The following TBL1X variants were observed in gnomAD, a reference collection of about 807,000 sequenced individuals.
The protein encoded by TBL1X is transducin beta like 1 X-linked.
TBL1X carries 10 observed loss-of-function variants against 50.7 expected under a neutral mutation model. The ratio of observed to expected loss-of-function variants is 0.20; its 90% CI spans 0.12 to 0.33. TBL1X has a LOEUF of 0.33. TBL1X is among the 10% of genes least tolerant of loss of function. The probability of loss-of-function intolerance (pLI) is 1.00; values close to 1 mark genes in which losing one functional copy is unlikely to be tolerated. For missense variants in TBL1X, 340 were observed against 504.4 expected (o/e 0.67, Z 3.12); for synonymous variants, 190 against 214.7 (o/e 0.88, Z 1.01).
At chrX:9,580,488 T>G (rs1029881500) in intron 2 of TBL1X, among the ~76,000 whole-genome samples, 10 of 112,104 alleles carry the variant, frequency 8.9e-5, no homozygotes, top group Non-Finnish European at 1.5e-4. Flanking sequence ...GATATGCATC[T>G]ATATCAGTGA....
intron 5 of TBL1X, among the ~76,000 whole-genome samples, chrX:9,683,352 T>A (rs757277000): frequency 2.2e-3 from 242 of 111,859 alleles, no homozygotes; most frequent in Non-Finnish European, 3.3e-3. Context: ...ACCTTTAAAT[T>A]GCCAAGCATC....
At chrX:9,587,820 AC>A (rs1351444445) in intron 2 of TBL1X, among the ~76,000 whole-genome samples, 2 of 18,081 alleles carry the variant, frequency 1.1e-4, no homozygotes, top group Non-Finnish European at 1.9e-4. Flanking sequence ...CACCCCTGCC[AC>A]CGTGCATTCT....
intron 17 of TBL1X, among the ~76,000 whole-genome samples, chrX:9,715,422 C>T (rs747391737): frequency 5.4e-5 from 6 of 111,548 alleles, no homozygotes; most frequent in African/African-American, 6.5e-5. Context: ...TGTCCCACAC[C>T]GAGGCTGTGT....
chrX:9,479,777 T>C (rs2081869632), intron 1 of TBL1X, among the ~76,000 whole-genome samples: 1 of 111,822 alleles, frequency 8.9e-6, no homozygotes, highest in African/African-American at 3.3e-5. Flanking sequence ...CTGGCTAGGC[T>C]GGGAAGAATC....
chrX:9,716,345 C>G lies in TBL1X; in HGVS notation c.*99C>G, dbSNP rs1011782221. ...TCCAAAACTGTAGGAACTTGACTTGCGTTAGAGTGTACTCTGAAACCAACT... is the reference window on the plus strand; with the variant it reads ...TCCAAAACTGTAGGAACTTGACTTGGGTTAGAGTGTACTCTGAAACCAACT... On this transcript the variant is annotated 3_prime_UTR_variant, in exon 18 of 18. Coordinates refer to ENST00000645353, the MANE Select transcript of TBL1X (RefSeq NM_005647.4). 1 of 888,776 alleles carries G rather than the reference C, an allele frequency of 1.1e-6. No homozygotes were observed. Among genetic ancestry groups the G allele is most frequent in the Non-Finnish European group, 1.6e-6 (1 of 630,782 alleles). The allele number at this position is 888,776 out of a possible 1,213,427, so 73.2% of individuals were successfully genotyped here. A position where few individuals can be genotyped will look rare whatever the true frequency, so the allele number is the denominator to read the frequency against.
At chrX:9,517,766 G>C (rs1483152888) in intron 2 of TBL1X, among the ~76,000 whole-genome samples, 1 of 112,210 alleles carries the variant, frequency 8.9e-6, no homozygotes, top group Non-Finnish European at 1.9e-5. Context: ...TGAGTGGATG[G>C]TTCTGTGGGT....
chrX:9,534,529 C>T (rs1216499173), intron 2 of TBL1X, among the ~76,000 whole-genome samples: 1 of 110,315 alleles, frequency 9.1e-6, no homozygotes, highest in Non-Finnish European at 1.9e-5. Context: ...ACCAAACACC[C>T]ATTTAAGTGC....
At chrX:9,666,738 C>T (rs182459858) in intron 5 of TBL1X, among the ~76,000 whole-genome samples, 159 of 111,541 alleles carry the variant, frequency 1.4e-3, no homozygotes, top group African/African-American at 5.0e-3. Context: ...CAGACATTGT[C>T]TGCAGCTCTG....
At chrX:9,589,338 C>A (rs2082487287) in intron 2 of TBL1X, among the ~76,000 whole-genome samples, 1 of 108,891 alleles carries the variant, frequency 9.2e-6, no homozygotes, top group Non-Finnish European at 1.9e-5. Flanking sequence ...GCGTCTGGAG[C>A]CTCTACAGGA....
At chrX:9,523,563 T>C (rs946833697) in intron 2 of TBL1X, among the ~76,000 whole-genome samples, 3 of 112,638 alleles carry the variant, frequency 2.7e-5, no homozygotes, top group African/African-American at 9.7e-5. Flanking sequence ...TCCACTCTGG[T>C]GTCTCCTTTA....
At chrX:9,535,069 T>C (rs1278889042) in intron 2 of TBL1X, 1 of 110,998 alleles carries the variant, frequency 9.0e-6, no homozygotes, top group South Asian at 3.8e-4. Context: ...ATATTACTCT[T>C]TTTTTTTAAA....
At chrX:9,482,944 C>T (rs778217431) in intron 1 of TBL1X, among the ~76,000 whole-genome samples, 11 of 111,306 alleles carry the variant, frequency 9.9e-5, no homozygotes, top group Non-Finnish European at 1.7e-4. Context: ...TAAACTCTTT[C>T]TCTACTAAAA....
chrX:9,708,156 C>A (rs769431763), intron 13 of TBL1X, among the ~76,000 whole-genome samples: 2 of 111,686 alleles, frequency 1.8e-5, no homozygotes, highest in Non-Finnish European at 3.8e-5. Context: ...GTAGGCTGTT[C>A]CCCAGCTGAA....
chrX:9,643,478 C>G (rs946528852), intron 3 of TBL1X, among the ~76,000 whole-genome samples: 4 of 111,623 alleles, frequency 3.6e-5, no homozygotes, highest in African/African-American at 1.3e-4. Context: ...GGACTCTGAT[C>G]TAATATTTGG....
intron 2 of TBL1X, among the ~76,000 whole-genome samples, chrX:9,632,026 T>G (rs943203881): frequency 1.8e-5 from 2 of 112,714 alleles, no homozygotes; most frequent in African/African-American, 6.4e-5. Flanking sequence ...TTTCATTGTC[T>G]TCTGCCTTGC....
intron 16 of TBL1X, among the ~76,000 whole-genome samples, chrX:9,713,743 A>G (rs1355240902): frequency 9.1e-6 from 1 of 110,387 alleles, no homozygotes; most frequent in Non-Finnish European, 1.9e-5. Context: ...ATCCTTAGGA[A>G]TTTTCTTAAG....
At chrX:9,483,511 A>G (rs2081894203) in intron 1 of TBL1X, among the ~76,000 whole-genome samples, 1 of 111,935 alleles carries the variant, frequency 8.9e-6, no homozygotes, top group Non-Finnish European at 1.9e-5. Context: ...TGTTCCCTGA[A>G]GAACCAGTGC....
intron 2 of TBL1X, among the ~76,000 whole-genome samples, chrX:9,556,616 AGCCTGG>A (rs2082301575): frequency 9.1e-6 from 1 of 109,561 alleles, no homozygotes; most frequent in East Asian, 2.9e-4. Flanking sequence ...CGAGTGCTCC[AGCCTGG>A]ATGACAGAAC....
At chrX:9,564,790 G>A (rs1320067902) in intron 2 of TBL1X, among the ~76,000 whole-genome samples, 1 of 110,036 alleles carries the variant, frequency 9.1e-6, no homozygotes, top group African/African-American at 3.3e-5. Flanking sequence ...GTCGAAGGTG[G>A]GAGGGATGTG....
Sources: gnomAD v4.1 joint callset for allele counts (sites outside exome capture counted in the v4.1 genomes callset) on GRCh38, gnomAD v4.1.1 for gene constraint, MANE v1.5 for transcripts, NCBI Gene and HGNC (gene_info 2026-07-23, HGNC 2026-07-21) for gene names.